Variants in GOLGA4 observed in about 807,000 individuals in gnomAD.
GOLGA4 encodes the protein golgin A4.
A neutral mutation model predicts 265.9 loss-of-function variants in GOLGA4; 169 were observed. The ratio of observed to expected loss-of-function variants is 0.64; its 90% confidence interval spans 0.56 to 0.72. The LOEUF is 0.72. GOLGA4 is among the 30% of genes least tolerant of loss of function. The pLI is 0.00. For synonymous variants in GOLGA4, 923 were observed against 855.8 expected, an observed-to-expected ratio of 1.08 and a Z score of -1.37; for missense variants, 2,482 against 2,483.4, an observed-to-expected ratio of 1.00 and a Z score of 0.01.
At position 37,298,908 on chromosome 3, in the gene GOLGA4, G is replaced by A. The variant is rs368268747; in HGVS notation, c.890G>A (p.Arg297His). ...AAGCGTCAAGAGAACCTACTTAAGC[G>A]TTGTAAGGAAACAATTCAGTCACAT... ...RVKRQENLLK[R>H]CKETIQSHKE... is the part of the protein sequence containing the mutation. Residue 297 changes from arginine (R) to histidine (H), a missense_variant, in exon 8 of 24, where the codon CGT becomes CAT. This residue lies in a region of GOLGA4 where 1,536 missense variants were observed against 1,483.7 expected (regional missense o/e 1.04). Transcript: ENST00000361924. 2.5e-5 allele frequency: 40 copies of A among 1,613,386 alleles called. No individual in the cohort carries two copies. The highest frequency in any genetic ancestry group is 8.0e-5 in the African/African-American group (6 of 74,882).
intron 20 of GOLGA4, among the ~76,000 whole-genome samples, chr3:37,346,225 C>CTA (rs1204271116): frequency 3.9e-5 from 6 of 152,046 alleles, no homozygotes; most frequent in African/African-American, 1.5e-4. Context: ...TGTATGGAGG[C>CTA]TATTTAACAC....
intron 2 of GOLGA4, among the ~76,000 whole-genome samples, chr3:37,255,829 C>T (rs1417610744): frequency 9.9e-5 from 15 of 151,438 alleles, no homozygotes; most frequent in African/African-American, 3.4e-4. Context: ...CTCAGCACTA[C>T]GCAGCTTCAA....
At chr3:37,313,878 C>T (rs2096929755) in intron 10 of GOLGA4, among the ~76,000 whole-genome samples, 1 of 151,922 alleles carries the variant, frequency 6.6e-6, no homozygotes, top group South Asian at 2.1e-4. Context: ...ATGAGTATTG[C>T]TTTTGCACCA....
At position 37,324,684 on chromosome 3, in the gene GOLGA4, C is replaced by T; in HGVS notation, c.2798C>T (p.Ala933Val). Residue 933 changes from alanine (A) to valine (V), a missense_variant, in exon 14 of 24, where the codon GCC becomes GTC. Ala to Val is a moderately conservative substitution (Grantham distance 64). This residue lies in a region of GOLGA4 where 1,536 missense variants were observed against 1,483.7 expected (regional missense o/e 1.04). Coordinates refer to ENST00000361924, the MANE Select transcript of GOLGA4 (RefSeq NM_002078.5). ...GAGATACTCACACAGAAATTGTCAGCCAAGGAGGACAGTATTCATATTTTG... is the reference window on the plus strand; with the variant it reads ...GAGATACTCACACAGAAATTGTCAGTCAAGGAGGACAGTATTCATATTTTG... ...EIEILTQKLS[A>V]KEDSIHILNE... 6.2e-7 allele frequency: 1 copy of T among 1,611,300 alleles called. No individual in the cohort carries two copies. The highest frequency in any genetic ancestry group is 8.5e-7 in the Non-Finnish European group (1 of 1,178,974).
At position 37,326,760 on chromosome 3, in the gene GOLGA4, T is replaced by A; in HGVS notation, c.4874T>A (p.Leu1625Ter). Residue 1625 changes from leucine (L) to a stop codon, truncating the protein, a stop_gained, in exon 14 of 24, where the codon TTG (leucine) becomes TAG (stop). Coordinates refer to ENST00000361924, the MANE Select transcript of GOLGA4 (RefSeq NM_002078.5). LOFTEE classifies it high-confidence loss of function. ...VKSKEEELKA[L>*]EDRLESESAA... The stretch of plus-strand genomic sequence containing the variant: ...AGCAAAGAGGAGGAGTTAAAGGCAT[T>A]GGAAGATAGGCTTGAGTCAGAAAGT... The A allele has an allele frequency of 6.2e-7, 1 of 1,613,608 alleles. No homozygotes were observed. The highest frequency in any genetic ancestry group is 8.5e-7 in the Non-Finnish European group (1 of 1,179,634).
chr3:37,276,627 C>G (rs1223545178), intron 2 of GOLGA4: 1 of 1,537,040 alleles, frequency 6.5e-7, no homozygotes, highest in African/African-American at 1.4e-5. Context: ...ATATCTGGAC[C>G]ATTAAGAAAA....
At chr3:37,336,784 G>GAGAGAA (rs200598031) in intron 17 of GOLGA4, among the ~76,000 whole-genome samples, 3 of 151,526 alleles carry the variant, frequency 2.0e-5, no homozygotes, top group East Asian at 1.9e-4. Context: ...AAGAGAGAGA[G>GAGAGAA]AGAGAAAGAG....
At chr3:37,265,117 T>TGTGTG (rs1553872529) in intron 2 of GOLGA4, among the ~76,000 whole-genome samples, 1 of 147,550 alleles carries the variant, frequency 6.8e-6, no homozygotes, top group Non-Finnish European at 1.5e-5. Flanking sequence ...CATGCTCATA[T>TGTGTG]TGTGTGTGTG....
rs750845838 is a variant in GOLGA4 at position 37,243,577 on chromosome 3, C to G, written c.27C>G (p.Ile9Met). 2.5e-6 allele frequency: 4 copies of G among 1,614,036 alleles called. No homozygotes were observed. Among genetic ancestry groups the G allele is most frequent in the Non-Finnish European group, 3.4e-6 (4 of 1,179,992 alleles). MFKKLKQK[I>M]SEEQQQLQQA... ...TGTTCAAGAAACTGAAGCAAAAGAT[C>G]AGCGAGGAGCAGCAGCAGCTCCAGC... is the stretch of plus-strand genomic sequence containing the variant. The change falls in exon 1 of 24, where the codon ATC becomes ATG. Residue 9 changes from isoleucine to methionine, a missense_variant. By Grantham distance (10) the Ile-to-Met change is conservative (BLOSUM62 1). Around this residue, in one of 3 missense-constraint regions of GOLGA4, gnomAD observed 1,536 missense variants for 1,483.7 expected, o/e 1.04. Coordinates refer to ENST00000361924, the MANE Select transcript of GOLGA4 (RefSeq NM_002078.5).
intron 22 of GOLGA4, 122 bp downstream of exon 22, chr3:37,355,309 A>G: frequency 1.7e-6 from 1 of 604,852 alleles, no homozygotes; most frequent in Non-Finnish European, 3.0e-6. Flanking sequence ...TTATTATATC[A>G]CAGCCTGAAA....
intron 2 of GOLGA4, among the ~76,000 whole-genome samples, chr3:37,252,454 TG>T (rs1330478851): frequency 3.9e-5 from 6 of 152,176 alleles, no homozygotes; most frequent in African/African-American, 1.4e-4. Context: ...TACTTTTTTT[TG>T]GTGTACATGT....
Position 37,340,428 on chromosome 3 carries a change from A to G in GOLGA4, c.6472+229A>G, listed in dbSNP as rs573692782. Among the ~76,000 whole-genome samples the G allele has an allele frequency of 4.5e-4, 69 of 152,246 alleles. No individual in the cohort carries two copies. The Middle Eastern group carries it at 0.01, about 23-fold the overall frequency. On this transcript the variant is annotated intron_variant, in intron 20 of 23. Transcript: ENST00000361924. ...AACTAAGTGCATTACCTGACATACTACCTTTTTTGTGTGTGTGTGATGAGA... is the reference window on the plus strand; with the variant it reads ...AACTAAGTGCATTACCTGACATACTGCCTTTTTTGTGTGTGTGTGATGAGA...
intron 2 of GOLGA4, among the ~76,000 whole-genome samples, chr3:37,252,507 G>T (rs1399116681): frequency 6.6e-6 from 1 of 152,050 alleles, no homozygotes; most frequent in Non-Finnish European, 1.5e-5. Context: ...TAGAATCACT[G>T]CTCCATTTTA....
chr3:37,285,790 C>T (rs1047025036), intron 3 of GOLGA4, among the ~76,000 whole-genome samples: 3 of 152,244 alleles, frequency 2.0e-5, no homozygotes, highest in Non-Finnish European at 4.4e-5. Flanking sequence ...AGGTGTATCT[C>T]TAAGATGAAG....
chr3:37,258,251 TA>T (rs969654816), intron 2 of GOLGA4, among the ~76,000 whole-genome samples: 1 of 148,110 alleles, frequency 6.8e-6, no homozygotes, highest in Non-Finnish European at 1.5e-5. Context: ...ATATAGCATA[TA>T]TAGAGAGCAT....
At chr3:37,351,619 A>G (rs1413706963) in intron 21 of GOLGA4, among the ~76,000 whole-genome samples, 2 of 152,190 alleles carry the variant, frequency 1.3e-5, no homozygotes, top group African/African-American at 4.8e-5. Flanking sequence ...TGATCCATGG[A>G]CTGCAAAATG....
chr3:37,326,185 G>A lies in GOLGA4; in HGVS notation c.4299G>A (p.Glu1433=). ...TLSKEKISAL[E]QVDDWSNKFS... is the part of the protein sequence containing the mutation. ...GTAAAGAGAAAATTTCTGCTCTTGA[G>A]CAGGTAGATGACTGGTCCAATAAAT... The change falls in exon 14 of 24, where the codon GAG becomes GAA. Residue 1433 remains glutamate, a synonymous_variant. Coordinates refer to ENST00000361924, the MANE Select transcript of GOLGA4 (RefSeq NM_002078.5). 6.2e-7 allele frequency: 1 copy of A among 1,613,172 alleles called. No homozygotes were observed. Among genetic ancestry groups the A allele is most frequent in the African/African-American group, 1.3e-5 (1 of 74,998 alleles).
At chr3:37,332,631 G>A (rs187541876) in intron 16 of GOLGA4, among the ~76,000 whole-genome samples, 1 of 152,010 alleles carries the variant, frequency 6.6e-6, no homozygotes, top group Admixed American at 6.5e-5. Context: ...ATTCTTGGAG[G>A]CGGTATACAT....
chr3:37,271,657 C>G (rs2096799043), intron 2 of GOLGA4, among the ~76,000 whole-genome samples: 1 of 151,890 alleles, frequency 6.6e-6, no homozygotes, highest in Non-Finnish European at 1.5e-5. Flanking sequence ...CCTGGCTTCC[C>G]CACTCCCACC....
Sources: gnomAD v4.1 joint callset for allele counts (sites outside exome capture counted in the v4.1 genomes callset) on GRCh38, gnomAD v4.1.1 for gene constraint, gnomAD v4.1.1 regional missense constraint, MANE v1.5 for transcripts, NCBI Gene and HGNC (gene_info 2026-07-23, HGNC 2026-07-21) for gene names.